EPRS1: variants seen among roughly 807,000 people sequenced by gnomAD.
The protein encoded by EPRS1 is bifunctional glutamate/proline--tRNA ligase.
A neutral mutation model predicts 188.3 loss-of-function variants in EPRS1; 107 were observed. The observed-to-expected ratio is 0.57, with a 90% confidence interval of 0.49 to 0.67. The LOEUF is 0.67. EPRS1 is among the 30% of genes least tolerant of loss of function. The probability of loss-of-function intolerance (pLI) is 0.00; values close to 1 mark genes in which losing one functional copy is unlikely to be tolerated. For missense variants in EPRS1, 1,577 were observed against 1,802.2 expected, an observed-to-expected ratio of 0.88 and a Z score of 2.26; for synonymous variants, 596 against 593.1, an observed-to-expected ratio of 1.00 and a Z score of -0.07.
At chr1:219,992,764 A>C (rs1402769786) in intron 18 of EPRS1, among the ~76,000 whole-genome samples, 1 of 152,106 alleles carries the variant, frequency 6.6e-6, no homozygotes, top group Non-Finnish European at 1.5e-5. Context: ...CTCTACTAAA[A>C]ACAAAATACA....
At position 219,984,370 on chromosome 1, in the gene EPRS1, T is replaced by C. The variant is rs1571660264; in HGVS notation, c.3039-113A>G. 4.0e-6 allele frequency: 3 copies of C among 747,082 alleles called. No individual in the cohort carries two copies. The East Asian group carries it at 7.6e-5, about 19-fold the overall frequency. 46.3% of individuals were successfully genotyped at this position (747,082 alleles called of 1,614,324 possible). A position where few individuals can be genotyped will look rare whatever the true frequency, so the allele number is the denominator to read the frequency against. On this transcript the variant is annotated intron_variant, in intron 20 of 31. Transcript: ENST00000366923. ...ATTAGTCTTTCTTCAGTATGAGTTATTTCTGTATTTGTAACTCTTCTATAT... is the reference window on the plus strand; with the variant it reads ...ATTAGTCTTTCTTCAGTATGAGTTACTTCTGTATTTGTAACTCTTCTATAT...
At chr1:220,033,024 A>G (rs938849580) in intron 4 of EPRS1, among the ~76,000 whole-genome samples, 21 of 152,328 alleles carry the variant, frequency 1.4e-4, no homozygotes, top group African/African-American at 5.1e-4. Flanking sequence ...TGGAAAAAGC[A>G]TATTCTTACT....
At chr1:220,034,322 C>T (rs1000555553) in intron 3 of EPRS1, among the ~76,000 whole-genome samples, 2 of 152,174 alleles carry the variant, frequency 1.3e-5, no homozygotes, top group African/African-American at 4.8e-5. Context: ...GAATAGGCTA[C>T]ACTGTATAGC....
rs534692080 is a variant in EPRS1, at chr1:220,005,157, C to T, written c.2063+91G>A. 6.9e-4 allele frequency: 337 copies of T among 488,374 alleles called. 3 individuals are homozygous for T. The East Asian group carries it at 0.011, about 15-fold the overall frequency. The allele number at this position is 488,374 out of a possible 1,614,324, so 30.3% of individuals were successfully genotyped here. On this transcript the variant is annotated intron_variant, in intron 16 of 31. Coordinates refer to ENST00000366923, the MANE Select transcript of EPRS1 (RefSeq NM_004446.3). Reference sequence around the variant, plus strand: ...GACTGAGAAAGAAAACTGTTAGGTACGTTATTTTAGTGAAAGTTCAATTTC... The same window carrying T: ...GACTGAGAAAGAAAACTGTTAGGTATGTTATTTTAGTGAAAGTTCAATTTC...
chr1:219,984,369 A>G (rs1392251139), intron 20 of EPRS1, 112 bp from the exon 21 acceptor site: 13 of 745,212 alleles, frequency 1.7e-5, no homozygotes, highest in Non-Finnish European at 3.1e-5. Context: ...AGTATGAGTT[A>G]TTTCTGTATT....
chr1:219,990,122 G>GAA (rs71560596), intron 18 of EPRS1, among the ~76,000 whole-genome samples: 31 of 112,000 alleles, frequency 2.8e-4, no homozygotes, highest in African/African-American at 6.9e-4. Flanking sequence ...TTTTCACACG[G>GAA]AAAAAAAAAA....
intron 12 of EPRS1, among the ~76,000 whole-genome samples, chr1:220,017,959 C>G (rs1558056722): frequency 6.6e-6 from 1 of 152,102 alleles, no homozygotes; most frequent in African/African-American, 2.4e-5. Flanking sequence ...CTAAGAAAAC[C>G]AGAGGACATG....
intron 27 of EPRS1, among the ~76,000 whole-genome samples, chr1:219,979,088 C>T (rs1162996984): frequency 1.3e-5 from 2 of 152,208 alleles, no homozygotes; most frequent in African/African-American, 4.8e-5. Flanking sequence ...CTCCTGGGCT[C>T]AAGCAATCTG....
At chr1:219,984,619 C>T (rs879308479) in intron 20 of EPRS1, among the ~76,000 whole-genome samples, 7 of 152,134 alleles carry the variant, frequency 4.6e-5, no homozygotes, top group Middle Eastern at 3.2e-3. Context: ...GGCAGGGTCT[C>T]GCTATGTTGC....
rs766721974 is a variant in EPRS1 at position 219,968,905 on chromosome 1, G to A, written c.4440C>T (p.Cys1480=). The stretch of plus-strand genomic sequence containing the variant: ...GTTCACAGAGTGGTTTGAAGGGGAT[G>A]CAAAGGCTTTTAGCTCCCATGGATG... ...GAPSMGAKSL[C]IPFKPLCELQ... Residue 1480 remains cysteine (C), a synonymous_variant, in exon 32 of 32, where the codon TGC becomes TGT. Coordinates refer to ENST00000366923, the MANE Select transcript of EPRS1 (RefSeq NM_004446.3). 1 of 1,613,966 alleles carries A rather than the reference G, an allele frequency of 6.2e-7. No individual in the cohort carries two copies. The highest frequency in any genetic ancestry group is 8.5e-7 in the Non-Finnish European group (1 of 1,179,842).
intron 28 of EPRS1, among the ~76,000 whole-genome samples, chr1:219,975,458 T>C (rs1846254): frequency 0.46 from 69,617 of 151,576 alleles, 16,035 homozygotes; most frequent in South Asian, 0.52. Flanking sequence ...TTTCTTGAGA[T>C]GGAGTTTCGC....
In EPRS1 at chr1:219,978,554, C is replaced by T. The variant is rs1660822798; in HGVS notation, c.4075G>A (p.Glu1359Lys). ...AAAGCTTAGGAATTTACCTTGAGCT[C>T]CCAGTGATTGAATTTCCAACCTGGA... ...YSPGWKFNHW[E>K]LKGVPIRLEV... The change falls in exon 28 of 32, where the codon GAG becomes AAG. Residue 1359 changes from glutamate (E) to lysine (K), a missense_variant. Glu to Lys is a moderately conservative substitution (Grantham distance 56). Around this residue, in one of 3 missense-constraint regions of EPRS1, gnomAD observed 296 missense variants for 327.9 expected, o/e 0.90. Coordinates refer to ENST00000366923, the MANE Select transcript of EPRS1 (RefSeq NM_004446.3). 6.4e-7 allele frequency: 1 copy of T among 1,569,336 alleles called. No individual in the cohort carries two copies.
intron 28 of EPRS1, among the ~76,000 whole-genome samples, chr1:219,975,314 AG>A (rs2102560319): frequency 6.6e-6 from 1 of 152,330 alleles, no homozygotes; most frequent in East Asian, 1.9e-4. Flanking sequence ...GGTGGCATAC[AG>A]GGTGACTAAT....
Position 220,005,322 on chromosome 1 carries a change from A to G in EPRS1, c.1989T>C (p.Asp663=). The G allele has an allele frequency of 6.3e-7, 1 of 1,599,626 alleles. No individual in the cohort carries two copies. Among genetic ancestry groups the G allele is most frequent in the Non-Finnish European group, 8.5e-7 (1 of 1,172,430 alleles). The part of the protein sequence containing the change: ...ELMLGDPCLK[D]LKKGDIIQLQ... ...GTTGTATAATATCTCCTTTTTTCAA[A>G]TCCTTAAGGCAGGGATCCCCTAGCA... Residue 663 remains aspartate, a synonymous_variant, in exon 16 of 32, where the codon GAT becomes GAC. Transcript: ENST00000366923.
chr1:219,979,656 C>G lies in EPRS1; in HGVS notation c.3712-41G>C, dbSNP rs1045733367. 11 of 1,349,594 alleles carry G rather than the reference C, an allele frequency of 8.2e-6. No homozygotes were observed. In the African/African-American group the frequency reaches 1.4e-4, roughly 18 times the overall value. 83.6% of individuals were successfully genotyped at this position (1,349,594 alleles called of 1,614,324 possible). A position where few individuals can be genotyped will look rare whatever the true frequency, so the allele number is the denominator to read the frequency against. ...AAAAATAAGCTTCATTTTTAATAAC[C>G]TATTATGCCCTTGAAAATGATTACT... is the stretch of plus-strand genomic sequence containing the variant. On this transcript the variant is annotated intron_variant, in intron 26 of 31. Coordinates refer to ENST00000366923, the MANE Select transcript of EPRS1 (RefSeq NM_004446.3).
chr1:219,977,801 T>C (rs797014513), intron 28 of EPRS1, among the ~76,000 whole-genome samples: 149 of 152,262 alleles, frequency 9.8e-4, no homozygotes, highest in African/African-American at 3.5e-3. Context: ...CCTAGATGTA[T>C]AAATACCTAA....
chr1:219,991,849 C>T (rs549591472), intron 18 of EPRS1, among the ~76,000 whole-genome samples: 1 of 152,292 alleles, frequency 6.6e-6, no homozygotes, highest in African/African-American at 2.4e-5. Context: ...AACACAAATT[C>T]TGAAGATTTT....
chr1:220,015,757 A>T (rs2102586306), intron 12 of EPRS1, among the ~76,000 whole-genome samples: 1 of 151,848 alleles, frequency 6.6e-6, no homozygotes, highest in Non-Finnish European at 1.5e-5. Context: ...GTCTCCAAAG[A>T]ATGACGTATT....
At chr1:219,984,081 G>A (rs576999088) in intron 21 of EPRS1, 125 bp downstream of exon 21, 33 of 689,892 alleles carry the variant, frequency 4.8e-5, no homozygotes, top group Non-Finnish European at 7.8e-5. Flanking sequence ...TGACTACACT[G>A]TGTATTATTA....
Sources: allele counts gnomAD v4.1 joint callset (sites outside exome capture counted in the v4.1 genomes callset), GRCh38; gene constraint gnomAD v4.1.1; regional missense constraint gnomAD v4.1.1; transcripts MANE v1.5; gene names NCBI Gene and HGNC (gene_info 2026-07-23, HGNC 2026-07-21).